SPPL3: variants seen among roughly 807,000 people sequenced by gnomAD.
SPPL3 encodes signal peptide peptidase like 3, also known as signal peptide peptidase-like 3.
Under a neutral mutation model 42.4 loss-of-function variants are expected in SPPL3, and 5 were observed. The observed-to-expected ratio is 0.12, with a 90% CI of 0.06 to 0.25. The LOEUF (loss-of-function observed/expected upper bound fraction) is 0.25. Among genes scored for constraint, SPPL3 ranks in the 10% least tolerant of loss-of-function variants. The probability of loss-of-function intolerance (pLI) is 1.00; values close to 1 mark genes in which losing one functional copy is unlikely to be tolerated. For synonymous variants in SPPL3, 195 were observed against 181.8 expected (o/e 1.07, Z -0.58); for missense variants, 235 against 489.0 (o/e 0.48, Z 4.90).
intron 1 of SPPL3, among the ~76,000 whole-genome samples, chr12:120,811,607 G>T (rs577438720): frequency 6.2e-4 from 95 of 152,196 alleles, no homozygotes; most frequent in African/African-American, 2.2e-3. Flanking sequence ...TGTTTTAAAG[G>T]CTGTCTCCAT....
Position 120,766,371 on chromosome 12 carries a change from G to A in SPPL3, c.975C>T (p.Gly325=). 1.3e-6 allele frequency: 2 copies of A among 1,579,306 alleles called. No homozygotes were observed. The highest frequency in any genetic ancestry group is 2.3e-5 in the East Asian group (1 of 43,782). Residue 325 remains glycine, a splice_region_variant and synonymous_variant, in exon 10 of 11, where the codon GGC becomes GGT. Transcript: ENST00000353487. The part of the protein sequence containing the change: ...FHCTLIGYFV[G]LLTATVASRI... ...GAGACGCCACAGTAGCAGTGAGCAG[G>A]CCTGTGAGGAGAGAGAGGCATCTGT... is the stretch of plus-strand genomic sequence containing the variant.
rs1326697711 is a variant in SPPL3, at chr12:120,764,294, A to T, written c.*705T>A. The T allele has an allele frequency of 6.6e-6, 1 of 151,012 alleles. No homozygotes were observed. Among genetic ancestry groups the T allele is most frequent in the Non-Finnish European group, 1.5e-5 (1 of 68,008 alleles). The allele number at this position is 151,012 out of a possible 1,614,324, so 9.4% of individuals were successfully genotyped here. A position where few individuals can be genotyped will look rare whatever the true frequency, so the allele number is the denominator to read the frequency against. On this transcript the variant is annotated 3_prime_UTR_variant, in exon 11 of 11. Transcript: ENST00000353487. ...TCTTAGCAGGATTTCATTTTTGTTT[A>T]TTCATATATATCTATGTGTGTGTTT...
At chr12:120,851,647 A>C (rs1188076317) in intron 1 of SPPL3, among the ~76,000 whole-genome samples, 1 of 152,152 alleles carries the variant, frequency 6.6e-6, no homozygotes, top group African/African-American at 2.4e-5. Context: ...TCTGTCACCC[A>C]GGCAGGAGTG....
chr12:120,796,013 A>G (rs1201839971), intron 2 of SPPL3, among the ~76,000 whole-genome samples: 1 of 152,172 alleles, frequency 6.6e-6, no homozygotes, highest in East Asian at 1.9e-4. Flanking sequence ...TGTTAATCCC[A>G]TCCAGTGTAT....
intron 3 of SPPL3, among the ~76,000 whole-genome samples, chr12:120,789,798 C>T (rs928386946): frequency 1.7e-5 from 2 of 117,402 alleles, no homozygotes; most frequent in Non-Finnish European, 3.2e-5. Flanking sequence ...GCACTCCAGC[C>T]TGAATGACAG....
intron 1 of SPPL3, among the ~76,000 whole-genome samples, chr12:120,821,985 A>C (rs1202246682): frequency 7.5e-6 from 1 of 133,574 alleles, no homozygotes; most frequent in Non-Finnish European, 1.7e-5. Flanking sequence ...TATGTGAAAT[A>C]AACCAGAAAA....
chr12:120,886,907 A>C (rs1209576010), intron 1 of SPPL3, among the ~76,000 whole-genome samples: 1 of 152,162 alleles, frequency 6.6e-6, no homozygotes, highest in Non-Finnish European at 1.5e-5. Context: ...TGAATTGAGA[A>C]GATCTTGTAC....
chr12:120,802,965 C>T (rs889432338), intron 2 of SPPL3, among the ~76,000 whole-genome samples: 5 of 152,210 alleles, frequency 3.3e-5, no homozygotes, highest in Non-Finnish European at 5.9e-5. Flanking sequence ...GAAGGTACTA[C>T]AATTCATTCA....
At chr12:120,855,702 A>AG (rs1566061824) in intron 1 of SPPL3, among the ~76,000 whole-genome samples, 2 of 152,030 alleles carry the variant, frequency 1.3e-5, no homozygotes, top group Non-Finnish European at 2.9e-5. Flanking sequence ...CTCAAAAAAA[A>AG]AAAAGAAAAG....
rs188059841 is a variant in SPPL3 at position 120,856,612 on chromosome 12, G to A, written c.24-45726C>T. ...TTCTGGAACGACGGCAGCATTCAGGGCATAGTTGGTTTGAATCCTCCTGAA... is the reference window on the plus strand; with the variant it reads ...TTCTGGAACGACGGCAGCATTCAGGACATAGTTGGTTTGAATCCTCCTGAA... On this transcript the variant is annotated intron_variant, in intron 1 of 10. Coordinates refer to ENST00000353487, the MANE Select transcript of SPPL3 (RefSeq NM_139015.5). Among the ~76,000 whole-genome samples the A allele has an allele frequency of 1.5e-3, 223 of 150,810 alleles. 1 individual carries two copies. The highest frequency in any genetic ancestry group is 5.2e-3 in the African/African-American group (214 of 41,068).
At chr12:120,891,534 TA>T (rs1334050398) in intron 1 of SPPL3, among the ~76,000 whole-genome samples, 20 of 152,256 alleles carry the variant, frequency 1.3e-4, no homozygotes, top group Admixed American at 1.2e-3. Flanking sequence ...AAGTTTCTAT[TA>T]AAAAAATTTT....
intron 1 of SPPL3, among the ~76,000 whole-genome samples, chr12:120,852,410 C>CATATTTTACATATATGAAATATATGT (rs1566060712): frequency 6.2e-5 from 2 of 32,504 alleles, no homozygotes; most frequent in African/African-American, 2.0e-4. Context: ...GAAATATATG[C>CATATTTTACATATATGAAATATATGT]ATATATAATA....
intron 2 of SPPL3, among the ~76,000 whole-genome samples, chr12:120,803,008 G>C (rs965114265): frequency 6.6e-5 from 10 of 152,196 alleles, no homozygotes; most frequent in African/African-American, 2.2e-4. Context: ...ACTGTGAGAT[G>C]AATGAACTTA....
intron 2 of SPPL3, 118 bp downstream of exon 2, chr12:120,810,691 C>A (rs550445019): frequency 3.2e-5 from 24 of 759,006 alleles, no homozygotes; most frequent in Middle Eastern, 4.8e-4. Flanking sequence ...TATTCTGAGT[C>A]AAATCCTGCC....
intron 1 of SPPL3, chr12:120,845,206 T>A (rs1871980259): frequency 2.2e-6 from 1 of 451,000 alleles, no homozygotes; most frequent in Admixed American, 2.5e-5. Context: ...CCAGTTCATG[T>A]GGCAAAGGGA....
rs1468406100 is a variant in SPPL3, at chr12:120,768,998, G to A, written c.564C>T (p.Val188=). 6.2e-7 allele frequency: 1 copy of A among 1,612,894 alleles called. No homozygotes were observed. Among genetic ancestry groups the A allele is most frequent in the Non-Finnish European group, 8.5e-7 (1 of 1,179,686 alleles). The change falls in exon 7 of 11, where the codon GTC becomes GTT. Residue 188 remains valine (V), a synonymous_variant. Coordinates refer to ENST00000353487, the MANE Select transcript of SPPL3 (RefSeq NM_139015.5). The part of the protein sequence containing the change: ...IAFVRLPSLK[V]SCLLLSGLLI... ...GAAGCCCTGAGAGAAGCAGGCAGGA[G>A]ACCTTGAGGCTCGGCAGGCGGACAA... is the stretch of plus-strand genomic sequence containing the variant.
Position 120,903,863 on chromosome 12 carries a change from G to A in SPPL3, c.5C>T (p.Ala2Val), listed in dbSNP as rs1248720714. 5 of 1,452,352 alleles carry A rather than the reference G, an allele frequency of 3.4e-6. No homozygotes were observed. The highest frequency in any genetic ancestry group is 3.6e-6 in the Non-Finnish European group (4 of 1,105,494). 90.0% of individuals were successfully genotyped at this position (1,452,352 alleles called of 1,614,324 possible). Residue 2 changes from alanine to valine, a missense_variant, in exon 1 of 11, where the codon GCG becomes GTG. By Grantham distance (64) the Ala-to-Val change is moderately conservative. Transcript: ENST00000353487. M[A>V]EQTYSWAYSL... ...CACTCACCACGAGTAGGTCTGCTCC[G>A]CCATGGCGCTGCCTCTCGTGGGCTC...
At chr12:120,780,511 G>A (rs191554134) in intron 6 of SPPL3, among the ~76,000 whole-genome samples, 72 of 150,626 alleles carry the variant, frequency 4.8e-4, no homozygotes, top group Non-Finnish European at 8.4e-4. Context: ...CACTTTGGGA[G>A]GCCGAGGCGG....
At chr12:120,878,460 C>T (rs1482120098) in intron 1 of SPPL3, among the ~76,000 whole-genome samples, 1 of 152,208 alleles carries the variant, frequency 6.6e-6, no homozygotes, top group East Asian at 1.9e-4. Context: ...GGGATTGGGT[C>T]TCAATTCAGC....
Sources: allele counts gnomAD v4.1 joint callset (sites outside exome capture counted in the v4.1 genomes callset), GRCh38; gene constraint gnomAD v4.1.1; transcripts MANE v1.5; gene names NCBI Gene and HGNC (gene_info 2026-07-23, HGNC 2026-07-21).